The following BCAS3 variants were observed in gnomAD, a reference collection of about 807,000 sequenced individuals.
BCAS3 encodes BCAS4/BCAS3 fusion.
In BCAS3, 53 loss-of-function variants were observed where a neutral mutation model predicts 116.1. The observed-to-expected ratio is 0.46, with a 90% confidence interval of 0.37 to 0.57. The LOEUF is 0.57. BCAS3 is among the 20% of genes least tolerant of loss of function. The pLI, the probability that BCAS3 is intolerant of heterozygous loss-of-function variation, is 0.00. For missense variants in BCAS3, 917 were observed against 1,165.4 expected, an observed-to-expected ratio of 0.79 and a Z score of 3.10; for synonymous variants, 391 against 408.2, an observed-to-expected ratio of 0.96 and a Z score of 0.51.
At chr17:60,753,602 G>A (rs1273006758) in intron 6 of BCAS3, among the ~76,000 whole-genome samples, 1 of 70,046 alleles carries the variant, frequency 1.4e-5, no homozygotes, top group Admixed American at 1.9e-4. Flanking sequence ...GTAGGGACGG[G>A]GCTTCACCAT....
At position 61,368,492 on chromosome 17, in the gene BCAS3, C is replaced by A; in HGVS notation, c.2591C>A (p.Thr864Lys). Residue 864 changes from threonine (T) to lysine (K), a missense_variant and splice_region_variant, in exon 23 of 24, where the codon ACA (threonine) becomes AAA (lysine). Around this residue, in one of 3 missense-constraint regions of BCAS3, gnomAD observed 109 missense variants for 122.8 expected, o/e 0.89. Coordinates refer to ENST00000407086, the MANE Select transcript of BCAS3 (RefSeq NM_017679.5). This position sits in a 1 kb window ranked among gnomAD's most constrained non-coding sequence, Gnocchi z 6.0. ...AGCCGGGACGTCGTGGGATCCGGAA[C>A]AGGTAAAGGTGTCATCAGACTTCTA... The part of the protein sequence containing the change: ...SPSRDVVGSG[T>K]ELQREGSIET... The A allele has an allele frequency of 6.2e-7, 1 of 1,601,208 alleles. No homozygotes were observed. Among genetic ancestry groups the A allele is most frequent in the Non-Finnish European group, 8.5e-7 (1 of 1,169,910 alleles).
At chr17:61,100,113 A>G (rs933978332) in intron 22 of BCAS3, among the ~76,000 whole-genome samples, 1 of 152,190 alleles carries the variant, frequency 6.6e-6, no homozygotes, top group African/African-American at 2.4e-5. Flanking sequence ...CAATGTTAAG[A>G]CTGTAGAGAA....
At position 61,348,553 on chromosome 17, in the gene BCAS3, G is replaced by A. The variant is rs758499886; in HGVS notation, c.2426-19774G>A. 1.3e-5 allele frequency among the ~76,000 whole-genome samples: 2 copies of A among 152,108 alleles called. No homozygotes were observed. Among genetic ancestry groups the A allele is most frequent in the South Asian group, 4.1e-4 (2 of 4,824 alleles). ...ATTTGAGTTGCAGAGAGAATAAAGCGAGGCCTTGGGAGAGACTTGGGAGCG... is the reference window on the plus strand; with the variant it reads ...ATTTGAGTTGCAGAGAGAATAAAGCAAGGCCTTGGGAGAGACTTGGGAGCG... On this transcript the variant is annotated intron_variant, in intron 22 of 23. Transcript: ENST00000407086. This position sits in a 1 kb window ranked among gnomAD's most constrained non-coding sequence, Gnocchi z 4.5.
Position 61,214,563 on chromosome 17 carries a change from CG to C in BCAS3, c.2425+130000del, listed in dbSNP as rs1717285034. Among the ~76,000 whole-genome samples, 1 of 150,406 alleles carries C rather than the reference CG, an allele frequency of 6.6e-6. No individual in the cohort carries two copies. Among genetic ancestry groups the C allele is most frequent in the South Asian group, 2.1e-4 (1 of 4,766 alleles). ...AAAATTAGCTGGGCGTGGCGGCGGG[CG>C]CCTGTAGTCCCAGCTACTCCGGAGG... On this transcript the variant is annotated intron_variant, in intron 22 of 23. Transcript: ENST00000407086. The surrounding 1 kb of genome is among the most constrained non-coding windows in gnomAD (Gnocchi z 4.4).
intron 22 of BCAS3, among the ~76,000 whole-genome samples, chr17:61,310,509 G>A (rs1185436046): frequency 4.0e-5 from 6 of 151,018 alleles, no homozygotes; most frequent in Non-Finnish European, 8.8e-5. Flanking sequence ...AGCCGAGATC[G>A]TGCCATTGCA....
chr17:60,992,230 A>ACACACACACACACACACACT (rs748676282), intron 15 of BCAS3, among the ~76,000 whole-genome samples: 67 of 147,194 alleles, frequency 4.6e-4, no homozygotes, highest in African/African-American at 1.6e-3. Context: ...ACACACACAC[A>ACACACACACACACACACACT]CTCTGTAGGA....
chr17:60,859,229 C>T (rs548850733), intron 7 of BCAS3, among the ~76,000 whole-genome samples: 1 of 152,082 alleles, frequency 6.6e-6, no homozygotes, highest in South Asian at 2.1e-4. Flanking sequence ...GGTACGTGTT[C>T]AGGTTTGTTA....
chr17:61,255,401 G>A (rs1177089695), intron 22 of BCAS3, among the ~76,000 whole-genome samples: 2 of 152,136 alleles, frequency 1.3e-5, no homozygotes, highest in African/African-American at 4.8e-5. Context: ...ACCTTCTTTA[G>A]TTTCCACATC....
intron 22 of BCAS3, among the ~76,000 whole-genome samples, chr17:61,110,412 G>A (rs947888113): frequency 7.9e-5 from 12 of 152,370 alleles, no homozygotes; most frequent in African/African-American, 2.4e-4. Flanking sequence ...GAAGCAGGGC[G>A]AGGCATTGCC....
At chr17:60,834,836 G>A (rs146442941) in intron 7 of BCAS3, among the ~76,000 whole-genome samples, 1 of 151,736 alleles carries the variant, frequency 6.6e-6, no homozygotes, top group Non-Finnish European at 1.5e-5. Context: ...AATAAATCCC[G>A]GCAACATCTT....
intron 14 of BCAS3, among the ~76,000 whole-genome samples, chr17:60,948,332 AC>A (rs879419797): frequency 2.0e-5 from 3 of 151,890 alleles, no homozygotes; most frequent in Non-Finnish European, 4.4e-5. Context: ...TGATCTCTTG[AC>A]CAAGCTGGTC....
chr17:60,878,751 A>G (rs1000306973), intron 9 of BCAS3, among the ~76,000 whole-genome samples: 1 of 152,150 alleles, frequency 6.6e-6, no homozygotes, highest in African/African-American at 2.4e-5. Context: ...TAGGGGTCAA[A>G]TTTATGCATA....
In BCAS3 at chr17:61,315,468, G is replaced by A. The variant is rs1425080933; in HGVS notation, c.2426-52859G>A. On this transcript the variant is annotated intron_variant, in intron 22 of 23. Transcript: ENST00000407086. The surrounding 1 kb of genome is among the most constrained non-coding windows in gnomAD (Gnocchi z 5.3). ...GGAGGGCATGCAGAGCAGTCTCGGA[G>A]CGGACGCTAGCTGGCAGCGGTGCCA... Among the ~76,000 whole-genome samples the A allele has an allele frequency of 6.6e-6, 1 of 152,222 alleles. No individual in the cohort carries two copies. Among genetic ancestry groups the A allele is most frequent in the South Asian group, 2.1e-4 (1 of 4,836 alleles).
In BCAS3 at chr17:61,026,262, A is replaced by G. The variant is rs2066235439; in HGVS notation, c.1638-8404A>G. Among the ~76,000 whole-genome samples, 1 of 152,088 alleles carries G rather than the reference A, an allele frequency of 6.6e-6. No individual in the cohort carries two copies. Among genetic ancestry groups the G allele is most frequent in the Admixed American group, 6.6e-5 (1 of 15,244 alleles). On this transcript the variant is annotated intron_variant, in intron 16 of 23. Transcript: ENST00000407086. This position sits in a 1 kb window ranked among gnomAD's most constrained non-coding sequence, Gnocchi z 5.0. ...GCTAACCTCTTAGACCACTATTAAG[A>G]GATATCCTAATTTCCTGGATTATGG...
At chr17:61,192,254 A>AAAAAAAAAAAAAAAAAG in intron 22 of BCAS3, among the ~76,000 whole-genome samples, 1 of 149,466 alleles carries the variant, frequency 6.7e-6, no homozygotes, top group Non-Finnish European at 1.5e-5. Context: ...ACCAAAAAAA[A>AAAAAAAAAAAAAAAAAG]AAAAAAAAGA....
intron 21 of BCAS3, among the ~76,000 whole-genome samples, chr17:61,080,610 A>ATACAAAAT: frequency 6.6e-6 from 1 of 152,172 alleles, no homozygotes; most frequent in East Asian, 1.9e-4. Flanking sequence ...AATACAAAAA[A>ATACAAAAT]TTAGCCGGGC....
At chr17:61,054,929 A>G (rs2069223417) in intron 19 of BCAS3, among the ~76,000 whole-genome samples, 3 of 152,212 alleles carry the variant, frequency 2.0e-5, no homozygotes, top group Admixed American at 2.0e-4. Context: ...GATAGATTAA[A>G]GAAAAAGCAT....
At chr17:60,782,858 G>A (rs1239047999) in intron 6 of BCAS3, among the ~76,000 whole-genome samples, 1 of 151,990 alleles carries the variant, frequency 6.6e-6, no homozygotes, top group Admixed American at 6.6e-5. Context: ...AAAGTGCTGG[G>A]AATACAGGCA....
chr17:60,950,624 CATT>C (rs1271438712), intron 14 of BCAS3, among the ~76,000 whole-genome samples: 1 of 152,226 alleles, frequency 6.6e-6, no homozygotes, highest in African/African-American at 2.4e-5. Flanking sequence ...TTTTAAAAGT[CATT>C]ATTTATTAGG....
Sources: gnomAD v4.1 joint callset for allele counts (sites outside exome capture counted in the v4.1 genomes callset) on GRCh38, gnomAD v4.1.1 for gene constraint, gnomAD v4.1.1 regional missense constraint, Gnocchi (gnomAD v3.1) non-coding constraint, MANE v1.5 for transcripts, NCBI Gene and HGNC (gene_info 2026-07-23, HGNC 2026-07-21) for gene names.